The following BRD7 variants were observed in gnomAD, a reference collection of about 807,000 sequenced individuals.
BRD7 encodes bromodomain-containing protein 7.
In BRD7, 15 loss-of-function variants were observed where a neutral mutation model predicts 82.1. The observed-to-expected ratio is 0.18, with a 90% CI of 0.12 to 0.28. BRD7 has a LOEUF of 0.28. Among genes scored for constraint, BRD7 ranks in the 10% least tolerant of loss-of-function variants. The pLI is 1.00. For synonymous variants in BRD7, 232 were observed against 266.9 expected (o/e 0.87, Z 1.27); for missense variants, 638 against 779.9 (o/e 0.82, Z 2.17).
chr16:50,368,438 G>A (rs1197978285), intron 1 of BRD7, 140 bp from the exon 2 acceptor site: 4 of 970,008 alleles, frequency 4.1e-6, no homozygotes, highest in Middle Eastern at 3.3e-4. Flanking sequence ...GTTGAATGAC[G>A]GACCCCGGCC....
chr16:50,357,022 T>C (rs1263276612), intron 2 of BRD7, among the ~76,000 whole-genome samples: 4 of 152,192 alleles, frequency 2.6e-5, no homozygotes, highest in Non-Finnish European at 5.9e-5. Flanking sequence ...ACTGGCAGCA[T>C]CAGGATTATT....
intron 2 of BRD7, among the ~76,000 whole-genome samples, chr16:50,363,387 T>G (rs1217198031): frequency 6.6e-6 from 1 of 152,234 alleles, no homozygotes; most frequent in Non-Finnish European, 1.5e-5. Context: ...CTTTATCAAC[T>G]GCTCAGCATC....
intron 9 of BRD7, 46 bp from the exon 10 acceptor site, chr16:50,326,437 G>C: frequency 7.4e-7 from 1 of 1,353,368 alleles, no homozygotes; most frequent in Non-Finnish European, 1.0e-6. Context: ...ACATGGCCAT[G>C]ACCCACGGGG....
Position 50,318,886 on chromosome 16 carries a change from C to A in BRD7, c.*325G>T, listed in dbSNP as rs550984455. On this transcript the variant is annotated 3_prime_UTR_variant, in exon 17 of 17. Transcript: ENST00000394688. Reference sequence around the variant, plus strand: ...AATTATTTCAAGTATGTTCGTATAACGGAAAATCTCACTGGATGGGGCCGT... The same window carrying A: ...AATTATTTCAAGTATGTTCGTATAAAGGAAAATCTCACTGGATGGGGCCGT... 1.7e-5 allele frequency: 4 copies of A among 231,212 alleles called. No individual in the cohort carries two copies. The South Asian group carries it at 5.3e-4, about 30-fold the overall frequency. 14.3% of individuals were successfully genotyped at this position (231,212 alleles called of 1,614,324 possible). A position where few individuals can be genotyped will look rare whatever the true frequency, so the allele number is the denominator to read the frequency against.
chr16:50,339,969 C>T lies in BRD7; in HGVS notation c.702+7G>A. 2.6e-6 allele frequency: 4 copies of T among 1,527,630 alleles called. No homozygotes were observed. Among genetic ancestry groups the T allele is most frequent in the Non-Finnish European group, 3.6e-6 (4 of 1,117,312 alleles). 94.6% of individuals were successfully genotyped at this position (1,527,630 alleles called of 1,614,324 possible). ...AACTATTATTTATGACAAAGAGTTT[C>T]CTTTACCTGGCTAAGAATTTTCATT... On this transcript the variant is annotated splice_region_variant and intron_variant, in intron 6 of 16. Transcript: ENST00000394688.
At chr16:50,368,557 C>T (rs2039244823) in intron 1 of BRD7, 169 bp downstream of exon 1, 1 of 753,636 alleles carries the variant, frequency 1.3e-6, no homozygotes, top group Non-Finnish European at 2.0e-6. Context: ...GTTCGAATGC[C>T]GCGGCCGCAC....
chr16:50,329,079 C>T (rs1208447187), intron 8 of BRD7, among the ~76,000 whole-genome samples: 1 of 152,150 alleles, frequency 6.6e-6, no homozygotes, highest in Non-Finnish European at 1.5e-5. Context: ...TTTCGAATTT[C>T]TGGATTAGGG....
chr16:50,324,456 C>CCTCAG (rs1164123645), intron 11 of BRD7, among the ~76,000 whole-genome samples: 2 of 152,306 alleles, frequency 1.3e-5, no homozygotes, highest in East Asian at 3.9e-4. Flanking sequence ...TTCCATCTCA[C>CCTCAG]TGAGAATGAA....
rs1418720638 is a variant in BRD7 at position 50,316,045 on chromosome 16, T to C, written c.*3166A>G. The C allele has an allele frequency of 6.5e-6, 1 of 153,350 alleles. No homozygotes were observed. Among genetic ancestry groups the C allele is most frequent in the African/African-American group, 2.4e-5 (1 of 41,460 alleles). 9.5% of individuals were successfully genotyped at this position (153,350 alleles called of 1,614,324 possible). ...ACATCTGTAAACGGTTTCAAACAGG[T>C]AGAGAGAAAAACACCACAATTAACA... On this transcript the variant is annotated 3_prime_UTR_variant, in exon 17 of 17. Coordinates refer to ENST00000394688, the MANE Select transcript of BRD7 (RefSeq NM_013263.5).
chr16:50,365,478 G>C (rs1466512056), intron 2 of BRD7, among the ~76,000 whole-genome samples: 1 of 152,056 alleles, frequency 6.6e-6, no homozygotes, highest in East Asian at 1.9e-4. Flanking sequence ...GACAACTAAA[G>C]GATGCTTTCA....
chr16:50,357,614 C>T (rs2038784489), intron 2 of BRD7, among the ~76,000 whole-genome samples: 1 of 152,112 alleles, frequency 6.6e-6, no homozygotes, highest in Non-Finnish European at 1.5e-5. Flanking sequence ...AGTATGCATT[C>T]TCCCAGGTAG....
At chr16:50,325,960 T>G (rs2037321555) in intron 10 of BRD7, 77 bp from the exon 11 acceptor site, 2 of 1,403,610 alleles carry the variant, frequency 1.4e-6, no homozygotes, top group Admixed American at 5.0e-5. Flanking sequence ...AAAAGATTAT[T>G]TATTCTCTCC....
At position 50,367,317 on chromosome 16, in the gene BRD7, G is replaced by A. The variant is rs144781385; in HGVS notation, c.258+773C>T. Among the ~76,000 whole-genome samples, 571 of 152,218 alleles carry A rather than the reference G, an allele frequency of 3.8e-3. 5 individuals carry two copies. Among genetic ancestry groups the A allele is most frequent in the African/African-American group, 0.013 (540 of 41,536 alleles). ...ACCTCACTGTACCTCAAACTCCTGGGCTCAAGGGATCCTCCCACCTCAGCC... is the reference window on the plus strand; with the variant it reads ...ACCTCACTGTACCTCAAACTCCTGGACTCAAGGGATCCTCCCACCTCAGCC... On this transcript the variant is annotated intron_variant, in intron 2 of 16. Transcript: ENST00000394688.
At chr16:50,358,550 T>A (rs936200552) in intron 2 of BRD7, among the ~76,000 whole-genome samples, 3 of 151,792 alleles carry the variant, frequency 2.0e-5, no homozygotes, top group Non-Finnish European at 2.9e-5. Flanking sequence ...TCTGTGACCT[T>A]AGGCAATTCA....
intron 9 of BRD7, among the ~76,000 whole-genome samples, chr16:50,328,029 AAC>A (rs1254423029): frequency 6.6e-6 from 1 of 152,206 alleles, no homozygotes; most frequent in Non-Finnish European, 1.5e-5. Flanking sequence ...TGAATAAATT[AAC>A]ATTCTCACAT....
intron 5 of BRD7, 97 bp downstream of exon 5, chr16:50,349,926 C>A (rs1440487452): frequency 6.0e-6 from 7 of 1,173,428 alleles, no homozygotes; most frequent in South Asian, 2.0e-5. Flanking sequence ...AAAATAAACT[C>A]AATTCTTTGC....
At chr16:50,341,185 CA>C (rs1245373314) in intron 5 of BRD7, among the ~76,000 whole-genome samples, 1 of 86,592 alleles carries the variant, frequency 1.2e-5, no homozygotes, top group Non-Finnish European at 2.2e-5. Context: ...AGTACACACA[CA>C]CACACACACA....
In BRD7 at chr16:50,349,936, C is replaced by A; in HGVS notation, c.591+87G>T. On this transcript the variant is annotated intron_variant, in intron 5 of 16. Coordinates refer to ENST00000394688, the MANE Select transcript of BRD7 (RefSeq NM_013263.5). ...ATCTTAAAATAAACTCAATTCTTTG[C>A]AAAATAAAAGGTCAATGAGAAAGAT... is the stretch of plus-strand genomic sequence containing the variant. 2.4e-6 allele frequency: 3 copies of A among 1,241,252 alleles called. No homozygotes were observed. In the South Asian group the frequency reaches 5.8e-5, roughly 24 times the overall value. 76.9% of individuals were successfully genotyped at this position (1,241,252 alleles called of 1,614,324 possible).
At position 50,368,841 on chromosome 16, in the gene BRD7, G is replaced by C; in HGVS notation, c.-67C>G. 8.3e-7 allele frequency: 1 copy of C among 1,208,190 alleles called. No individual in the cohort carries two copies. The highest frequency in any genetic ancestry group is 1.0e-6 in the Non-Finnish European group (1 of 954,006). 74.8% of individuals were successfully genotyped at this position (1,208,190 alleles called of 1,614,324 possible). On this transcript the variant is annotated 5_prime_UTR_variant, in exon 1 of 17. Transcript: ENST00000394688. Reference sequence around the variant, plus strand: ...GGCCGTGCGGCGCCGCTTCCGGTCCGGGCCAGGCGAGCGGAGGGCGGGAGC... The same window carrying C: ...GGCCGTGCGGCGCCGCTTCCGGTCCCGGCCAGGCGAGCGGAGGGCGGGAGC...
Sources: allele counts gnomAD v4.1 joint callset (sites outside exome capture counted in the v4.1 genomes callset), GRCh38; gene constraint gnomAD v4.1.1; transcripts MANE v1.5; gene names NCBI Gene and HGNC (gene_info 2026-07-23, HGNC 2026-07-21).